Variants in NMD3 observed in about 807,000 individuals in gnomAD.
The protein encoded by NMD3 is 60S ribosomal export protein NMD3.
NMD3 carries 47 observed loss-of-function variants against 73.1 expected under a neutral mutation model. The observed-to-expected ratio is 0.64, with a 90% CI of 0.51 to 0.82. The LOEUF is 0.82. NMD3 is among the 40% of genes least tolerant of loss of function. The pLI is 0.00. For synonymous variants in NMD3, 210 were observed against 194.5 expected, an observed-to-expected ratio of 1.08 and a Z score of -0.66; for missense variants, 554 against 612.5, an observed-to-expected ratio of 0.90 and a Z score of 1.01.
intron 9 of NMD3, among the ~76,000 whole-genome samples, chr3:161,240,748 A>C (rs1736941598): frequency 6.6e-6 from 1 of 151,746 alleles, no homozygotes; most frequent in South Asian, 2.1e-4. Flanking sequence ...TGTCCAGGTT[A>C]GACTTGAACT....
At position 161,231,587 on chromosome 3, in the gene NMD3, C is replaced by T. The variant is rs116425124; in HGVS notation, c.277-1812C>T. Among the ~76,000 whole-genome samples the T allele has an allele frequency of 9.8e-3, 1,483 of 152,096 alleles. 32 individuals carry two copies. Among genetic ancestry groups the T allele is most frequent in the African/African-American group, 0.034 (1,427 of 41,484 alleles). On this transcript the variant is annotated intron_variant, in intron 4 of 15. Coordinates refer to ENST00000351193, the MANE Select transcript of NMD3 (RefSeq NM_015938.5). ...TAGATTACTATAAAAAAGAGAGTTG[C>T]GGGTGGTAGAGTCTAATGACTTTAG...
rs777533028 is a variant in NMD3 at position 161,250,809 on chromosome 3, G to A, written c.1411G>A (p.Asp471Asn). Residue 471 changes from aspartate (D) to asparagine (N), a missense_variant, in exon 16 of 16, where the codon GAT becomes AAT. By Grantham distance (23) the Asp-to-Asn change is conservative. Coordinates refer to ENST00000351193, the MANE Select transcript of NMD3 (RefSeq NM_015938.5). ...AGCCATCCCTGTGGAAAGTGACACC[G>A]ATGATGAAGGAGCACCTCGAATTAG... Reference protein sequence around the residue: ...DSAIPVESDTDDEGAPRISLA... With the variant: ...DSAIPVESDTNDEGAPRISLA... The A allele has an allele frequency of 1.5e-5, 24 of 1,610,478 alleles. No individual in the cohort carries two copies. The highest frequency in any genetic ancestry group is 2.2e-5 in the South Asian group (2 of 90,874).
intron 10 of NMD3, among the ~76,000 whole-genome samples, chr3:161,242,076 A>T (rs1737004771): frequency 6.6e-6 from 1 of 152,090 alleles, no homozygotes; most frequent in Non-Finnish European, 1.5e-5. Context: ...TTTATCAGTT[A>T]GGATTCATAA....
chr3:161,239,288 T>G (rs1363068887), intron 9 of NMD3, among the ~76,000 whole-genome samples: 1 of 152,160 alleles, frequency 6.6e-6, no homozygotes, highest in African/African-American at 2.4e-5. Flanking sequence ...ATAAGCTGAA[T>G]AAAACATTTA....
Position 161,242,638 on chromosome 3 carries a change from A to T in NMD3, c.1002A>T (p.Gly334=), listed in dbSNP as rs750041986. ...VQDIKRAAGA[G]MISKKHTLGE... is the part of the protein sequence containing the mutation. Reference sequence around the variant, plus strand: ...ATATAAAACGTGCTGCAGGTGCTGGAATGATATCAAAAAAGGTAAGCTACA... The same window carrying T: ...ATATAAAACGTGCTGCAGGTGCTGGTATGATATCAAAAAAGGTAAGCTACA... The change falls in exon 11 of 16, where the codon GGA becomes GGT. Residue 334 remains glycine, a synonymous_variant. Transcript: ENST00000351193. 2.5e-6 allele frequency: 4 copies of T among 1,611,686 alleles called. No individual in the cohort carries two copies. In the Admixed American group the frequency reaches 5.0e-5, roughly 20 times the overall value.
chr3:161,235,029 T>C, intron 6 of NMD3, 93 bp from the exon 7 acceptor site: 1 of 889,754 alleles, frequency 1.1e-6, no homozygotes, highest in Non-Finnish European at 1.8e-6. Context: ...GTTTGAAAAA[T>C]CAGTATGCTC....
downstream of NMD3, chr3:161,252,721 A>G (rs1367087351): frequency 1.6e-6 from 1 of 632,100 alleles, no homozygotes; most frequent in African/African-American, 1.8e-5. Flanking sequence ...ATTTATAACC[A>G]ATTTATAAAT....
chr3:161,247,575 T>A (rs868547891), intron 13 of NMD3, among the ~76,000 whole-genome samples: 3 of 151,280 alleles, frequency 2.0e-5, no homozygotes, highest in African/African-American at 7.3e-5. Context: ...TCACCTGAGG[T>A]TGGGAGTTCG....
Position 161,238,829 on chromosome 3 carries a change from ACTTTTCTTTTT to A in NMD3, c.753+5_753+15del. ...TGGAAATTGTTCCAATATGCAAGGT[ACTTTTCTTTTT>A]CATTTAATCCATATCTGTAAAAGAG... On this transcript the variant is annotated splice_donor_5th_base_variant and intron_variant, in intron 9 of 15. Transcript: ENST00000351193. 7.1e-7 allele frequency: 1 copy of A among 1,407,732 alleles called. No individual in the cohort carries two copies. The allele number at this position is 1,407,732 out of a possible 1,614,324, so 87.2% of individuals were successfully genotyped here.
In NMD3 at chr3:161,250,313, C is replaced by T. The variant is rs1236589991; in HGVS notation, c.1368C>T (p.Val456=). ...AAGATGAGGCAATTCGAAAAAATGTCAACATTTACAGAGGTTGGTGTTCTA... is the reference window on the plus strand; with the variant it reads ...AAGATGAGGCAATTCGAAAAAATGTTAACATTTACAGAGGTTGGTGTTCTA... ...LEEDEAIRKN[V]NIYRDSAIPV... Residue 456 remains valine, a synonymous_variant, in exon 15 of 16, where the codon GTC becomes GTT. Transcript: ENST00000351193. 6 of 1,598,720 alleles carry T rather than the reference C, an allele frequency of 3.8e-6. No individual in the cohort carries two copies. Among genetic ancestry groups the T allele is most frequent in the Non-Finnish European group, 5.1e-6 (6 of 1,166,734 alleles).
intron 11 of NMD3, 35 bp downstream of exon 11, chr3:161,242,688 T>C (rs1260614106): frequency 1.9e-6 from 3 of 1,589,604 alleles, no homozygotes; most frequent in Non-Finnish European, 2.6e-6. Flanking sequence ...GTATTTTTTT[T>C]TCCCCTCAGT....
At chr3:161,243,070 C>G (rs1161700875) in intron 11 of NMD3, among the ~76,000 whole-genome samples, 1 of 152,056 alleles carries the variant, frequency 6.6e-6, no homozygotes, top group East Asian at 1.9e-4. Flanking sequence ...GTTACCATAC[C>G]TATAAAACAT....
chr3:161,250,817 A>G lies in NMD3; in HGVS notation c.1419A>G (p.Glu473=), dbSNP rs1560077014. 6.2e-7 allele frequency: 1 copy of G among 1,611,432 alleles called. No individual in the cohort carries two copies. Among genetic ancestry groups the G allele is most frequent in the East Asian group, 2.2e-5 (1 of 44,836 alleles). Residue 473 remains glutamate (E), a synonymous_variant, in exon 16 of 16, where the codon GAA becomes GAG. Coordinates refer to ENST00000351193, the MANE Select transcript of NMD3 (RefSeq NM_015938.5). ...AIPVESDTDD[E]GAPRISLAEM... is the part of the protein sequence containing the mutation. ...CTGTGGAAAGTGACACCGATGATGA[A>G]GGAGCACCTCGAATTAGTCTGGCTG... is the stretch of plus-strand genomic sequence containing the variant.
chr3:161,243,274 A>G (rs1422874890), intron 11 of NMD3, among the ~76,000 whole-genome samples: 2 of 152,178 alleles, frequency 1.3e-5, no homozygotes. Flanking sequence ...AAATAGACCA[A>G]TTATAATAAT....
chr3:161,241,869 A>C (rs1305122821), intron 10 of NMD3, among the ~76,000 whole-genome samples: 1 of 152,076 alleles, frequency 6.6e-6, no homozygotes, highest in African/African-American at 2.4e-5. Flanking sequence ...ATTTTAACCA[A>C]TTTTGTTATT....
rs1465535686 is a variant in NMD3, at chr3:161,241,180, A to T, written c.871+17A>T. On this transcript the variant is annotated intron_variant, in intron 10 of 15. Transcript: ENST00000351193. The stretch of plus-strand genomic sequence containing the variant: ...CCCTACAAGGTAAATTCTGGAAATG[A>T]TTTGCCTTGACAATTTTGTTTTGTA... The T allele has an allele frequency of 2.8e-6, 4 of 1,438,064 alleles. No homozygotes were observed. Among genetic ancestry groups the T allele is most frequent in the Non-Finnish European group, 3.9e-6 (4 of 1,024,902 alleles). The allele number at this position is 1,438,064 out of a possible 1,614,324, so 89.1% of individuals were successfully genotyped here.
intron 10 of NMD3, among the ~76,000 whole-genome samples, chr3:161,241,804 A>G (rs1454716192): frequency 1.3e-5 from 2 of 152,142 alleles, no homozygotes; most frequent in Non-Finnish European, 2.9e-5. Context: ...AGTTATTTTA[A>G]ATTTTGGAAC....
intron 2 of NMD3, among the ~76,000 whole-genome samples, chr3:161,222,731 A>G (rs140005715): frequency 3.1e-3 from 466 of 152,284 alleles, no homozygotes; most frequent in Middle Eastern, 0.01. Context: ...TCTTACCACA[A>G]CTACCCTGTA....
rs762147038 is a variant in NMD3, at chr3:161,221,367, T to C, written c.-63T>C. The C allele has an allele frequency of 6.6e-6, 1 of 152,270 alleles. No individual in the cohort carries two copies. The allele number at this position is 152,270 out of a possible 1,614,324, so 9.4% of individuals were successfully genotyped here. A position where few individuals can be genotyped will look rare whatever the true frequency, so the allele number is the denominator to read the frequency against. Reference sequence around the variant, plus strand: ...GACGGGACAGCCGGGGTCTATTTTGTTGCGGGTTTTCAGCAAATCCAGGGC... The same window carrying C: ...GACGGGACAGCCGGGGTCTATTTTGCTGCGGGTTTTCAGCAAATCCAGGGC... On this transcript the variant is annotated 5_prime_UTR_variant, in exon 1 of 16. Transcript: ENST00000351193.
Sources: gnomAD v4.1 joint callset for allele counts (sites outside exome capture counted in the v4.1 genomes callset) on GRCh38, gnomAD v4.1.1 for gene constraint, MANE v1.5 for transcripts, NCBI Gene and HGNC (gene_info 2026-07-23, HGNC 2026-07-21) for gene names.